MBNL1: variants seen among roughly 807,000 people sequenced by gnomAD.
MBNL1 encodes muscleblind-like protein 1.
Under a neutral mutation model 42.2 loss-of-function variants are expected in MBNL1, and 8 were observed. That is an observed-to-expected ratio of 0.19 (90% CI 0.11 to 0.34). The LOEUF is 0.34. Ranked by LOEUF, MBNL1 falls within the 10% of genes least tolerant of loss-of-function variation. MBNL1 has a pLI of 1.00. For missense variants in MBNL1, 309 were observed against 495.3 expected (o/e 0.62, Z 3.57); for synonymous variants, 169 against 173.9 (o/e 0.97, Z 0.22).
chr3:152,259,256 T>C (rs1182088298), intron 2 of MBNL1, among the ~76,000 whole-genome samples: 2 of 152,164 alleles, frequency 1.3e-5, no homozygotes, highest in African/African-American at 4.8e-5. Flanking sequence ...GGGTGGGAGT[T>C]ATAGATTACT....
At chr3:152,439,992 A>G (rs534014332) in intron 4 of MBNL1, among the ~76,000 whole-genome samples, 24 of 152,234 alleles carry the variant, frequency 1.6e-4, no homozygotes, top group Non-Finnish European at 2.6e-4. Flanking sequence ...ATAAATGACA[A>G]CGTGGAAGTG....
intron 2 of MBNL1, among the ~76,000 whole-genome samples, chr3:152,363,677 A>G (rs554319506): frequency 6.6e-6 from 1 of 152,290 alleles, no homozygotes; most frequent in East Asian, 1.9e-4. Context: ...TTCAGTCTAT[A>G]AAACAGCCCT....
At chr3:152,349,396 G>A (rs1372018149) in intron 2 of MBNL1, among the ~76,000 whole-genome samples, 4 of 151,976 alleles carry the variant, frequency 2.6e-5, no homozygotes, top group African/African-American at 7.2e-5. Flanking sequence ...GAATAGAACA[G>A]TTGGAAACAT....
intron 2 of MBNL1, among the ~76,000 whole-genome samples, chr3:152,409,074 A>G (rs1311621059): frequency 1.3e-5 from 2 of 152,196 alleles, no homozygotes; most frequent in Non-Finnish European, 2.9e-5. Flanking sequence ...AGATGCAGTT[A>G]TTTTCAGTAC....
chr3:152,462,187 A>G (rs1321919759), intron 9 of MBNL1, among the ~76,000 whole-genome samples, 198 bp from the exon 10 acceptor site: 6 of 152,196 alleles, frequency 3.9e-5, no homozygotes, highest in African/African-American at 1.4e-4. Context: ...ATTAAATTGT[A>G]CGTGTTATTT....
rs551714349 is a variant in MBNL1 at position 152,338,565 on chromosome 3, T to C, written c.174+38198T>C. The C allele has an allele frequency of 1.7e-3, 1,670 of 985,336 alleles. 3 individuals are homozygous for C. The highest frequency in any genetic ancestry group is 3.5e-3 in the South Asian group (74 of 21,276). 61.0% of individuals were successfully genotyped at this position (985,336 alleles called of 1,614,324 possible). ...GGACACTCAGTGGTAGCAGCAGGTGTTGGGATTTCTCCAAGCCCCTAAGAC... is the reference window on the plus strand; with the variant it reads ...GGACACTCAGTGGTAGCAGCAGGTGCTGGGATTTCTCCAAGCCCCTAAGAC... On this transcript the variant is annotated intron_variant, in intron 2 of 9. Coordinates refer to ENST00000324210, the MANE Select transcript of MBNL1 (RefSeq NM_021038.5).
upstream of MBNL1, chr3:152,264,844 T>C (rs573179727): frequency 3.9e-5 from 6 of 152,244 alleles, 1 homozygote; most frequent in East Asian, 7.7e-4. Flanking sequence ...GTAGCAAATA[T>C]ATTGATTTTA....
At chr3:152,369,547 C>T (rs142917210) in intron 2 of MBNL1, among the ~76,000 whole-genome samples, 1 of 152,204 alleles carries the variant, frequency 6.6e-6, no homozygotes, top group African/African-American at 2.4e-5. Flanking sequence ...GGAGGAGTCC[C>T]TCTTTTTATA....
intron 2 of MBNL1, among the ~76,000 whole-genome samples, chr3:152,407,540 T>C (rs1338051927): frequency 6.6e-6 from 1 of 152,162 alleles, no homozygotes; most frequent in Non-Finnish European, 1.5e-5. Context: ...ATTTAAAGAA[T>C]AGTTTCTTGC....
chr3:152,372,753 T>C (rs577535998), intron 2 of MBNL1, among the ~76,000 whole-genome samples: 1 of 152,320 alleles, frequency 6.6e-6, no homozygotes, highest in East Asian at 1.9e-4. Flanking sequence ...GGGAGGTGTC[T>C]CCCAGTCAGG....
At chr3:152,255,366 CT>C (rs2035307909) in intron 2 of MBNL1, among the ~76,000 whole-genome samples, 1 of 152,040 alleles carries the variant, frequency 6.6e-6, no homozygotes, top group Non-Finnish European at 1.5e-5. Flanking sequence ...TGAGCCTTAA[CT>C]TAAAATATTG....
intron 1 of MBNL1, among the ~76,000 whole-genome samples, chr3:152,288,224 A>C (rs1185958309): frequency 6.6e-6 from 1 of 152,238 alleles, no homozygotes; most frequent in Non-Finnish European, 1.5e-5. Flanking sequence ...GAGGAGGACA[A>C]AGTGAGGGCG....
chr3:152,381,711 C>A (rs1368891232), intron 2 of MBNL1, among the ~76,000 whole-genome samples: 1 of 151,682 alleles, frequency 6.6e-6, no homozygotes, highest in African/African-American at 2.4e-5. Context: ...AATTTCCACA[C>A]CTGTTTCTAT....
At chr3:152,445,623 A>G in intron 5 of MBNL1, 84 bp downstream of exon 5, 1 of 1,429,930 alleles carries the variant, frequency 7.0e-7, no homozygotes, top group Non-Finnish European at 9.5e-7. Flanking sequence ...CTATTCATTT[A>G]GTAACCTTTT....
chr3:152,292,925 T>G (rs897761277), intron 1 of MBNL1, among the ~76,000 whole-genome samples: 1 of 152,022 alleles, frequency 6.6e-6, no homozygotes, highest in Admixed American at 6.6e-5. Context: ...TTTGTCACCC[T>G]GCCTGGCTAA....
chr3:152,335,180 GC>G (rs2088867991), intron 2 of MBNL1: 1 of 1,289,604 alleles, frequency 7.8e-7, no homozygotes. Context: ...GCAAGAAGAA[GC>G]TGTATCTTAT....
At chr3:152,264,837 G>C (rs559545234), upstream of MBNL1, 7 of 152,050 alleles carry the variant, frequency 4.6e-5, no homozygotes, top group South Asian at 1.0e-3. Flanking sequence ...ACATTTAGTA[G>C]CAAATATATT....
upstream of MBNL1, chr3:152,264,675 A>G (rs1343174755): frequency 6.6e-6 from 1 of 152,218 alleles, no homozygotes; most frequent in Non-Finnish European, 1.5e-5. Context: ...CTAAAATTCT[A>G]TGATTTTGAA....
At chr3:152,382,620 T>C (rs1353872385) in intron 2 of MBNL1, among the ~76,000 whole-genome samples, 1 of 152,142 alleles carries the variant, frequency 6.6e-6, no homozygotes, top group Non-Finnish European at 1.5e-5. Context: ...AGGCAATTAA[T>C]GCAACATACA....
Sources: gnomAD v4.1 joint callset for allele counts (sites outside exome capture counted in the v4.1 genomes callset) on GRCh38, gnomAD v4.1.1 for gene constraint, MANE v1.5 for transcripts, NCBI Gene and HGNC (gene_info 2026-07-23, HGNC 2026-07-21) for gene names.